RBL2: variants seen among roughly 807,000 people sequenced by gnomAD.
RBL2 encodes retinoblastoma-like protein 2.
A neutral mutation model predicts 126.0 loss-of-function variants in RBL2; 56 were observed. The observed-to-expected ratio is 0.44, with a 90% CI of 0.36 to 0.56. The LOEUF (loss-of-function observed/expected upper bound fraction) is 0.56, where lower values mean the gene tolerates loss of function less well. Among genes scored for constraint, RBL2 ranks in the 20% least tolerant of loss-of-function variants. The pLI, the probability that RBL2 is intolerant of heterozygous loss-of-function variation, is 0.00. For missense variants in RBL2, 1,229 were observed against 1,398.2 expected (o/e 0.88, Z 1.93); for synonymous variants, 454 against 478.5 (o/e 0.95, Z 0.67).
At chr16:53,443,830 A>G (rs1348909525) in intron 3 of RBL2, among the ~76,000 whole-genome samples, 1 of 152,220 alleles carries the variant, frequency 6.6e-6, no homozygotes, top group Non-Finnish European at 1.5e-5. Context: ...TGGGGGAATG[A>G]CAAACCAGGA....
chr16:53,487,353 TC>T (rs1961215520), intron 21 of RBL2, among the ~76,000 whole-genome samples: 1 of 152,056 alleles, frequency 6.6e-6, no homozygotes, highest in African/African-American at 2.4e-5. Flanking sequence ...GACACAGAGA[TC>T]AATAGAACAG....
intron 3 of RBL2, 117 bp downstream of exon 3, chr16:53,442,975 T>G: frequency 1.2e-6 from 1 of 841,676 alleles, no homozygotes; most frequent in South Asian, 2.5e-5. Context: ...AAAATCTTTT[T>G]CCTCAGTCGT....
intron 14 of RBL2, 41 bp downstream of exon 14, chr16:53,467,210 T>C (rs2058280757): frequency 6.0e-6 from 9 of 1,495,732 alleles, no homozygotes; most frequent in Non-Finnish European, 7.4e-6. Context: ...GGGCTTACTA[T>C]CTGGAAATTT....
At chr16:53,464,449 AAG>A in intron 12 of RBL2, 86 bp downstream of exon 12, 1 of 1,152,088 alleles carries the variant, frequency 8.7e-7, no homozygotes, top group South Asian at 1.6e-5. Flanking sequence ...GTTAACATCT[AAG>A]AACATTTATT....
intron 17 of RBL2, among the ~76,000 whole-genome samples, chr16:53,473,482 A>G (rs577877063): frequency 6.6e-6 from 1 of 151,340 alleles, no homozygotes; most frequent in East Asian, 1.9e-4. Context: ...TTGCAAGTGT[A>G]TAGAAAAACA....
intron 4 of RBL2, among the ~76,000 whole-genome samples, chr16:53,447,789 C>T (rs542337242): frequency 4.0e-5 from 6 of 151,738 alleles, no homozygotes; most frequent in Admixed American, 6.6e-5. Flanking sequence ...TGATTACAGG[C>T]GCCCACCACC....
At chr16:53,480,314 A>C (rs951723617) in intron 19 of RBL2, 3 of 540,572 alleles carry the variant, frequency 5.5e-6, no homozygotes, top group African/African-American at 1.9e-5. Flanking sequence ...CACTTAGTAC[A>C]GGGCTTAGGT....
chr16:53,440,953 C>CTTTTTTTTTTTTTTTTTTTT (rs1178378934), intron 2 of RBL2, among the ~76,000 whole-genome samples: 1 of 71,672 alleles, frequency 1.4e-5, no homozygotes, highest in Non-Finnish European at 2.5e-5. Context: ...TTTTTCAGTT[C>CTTTTTTTTTTTTTTTTTTTT]TTTTTTTTTT....
intron 1 of RBL2, 86 bp downstream of exon 1, chr16:53,434,882 TC>T: frequency 7.2e-7 from 1 of 1,392,494 alleles, no homozygotes; most frequent in Middle Eastern, 2.7e-4. Context: ...CGAGAGACTC[TC>T]GGGCGGGTTG....
chr16:53,470,247 G>A lies in RBL2; in HGVS notation c.2245+62G>A, dbSNP rs1190266604. The A allele has an allele frequency of 3.8e-5, 59 of 1,563,324 alleles. No homozygotes were observed. In the East Asian group the frequency reaches 5.9e-4, roughly 16 times the overall value. On this transcript the variant is annotated intron_variant, in intron 15 of 21. Coordinates refer to ENST00000262133, the MANE Select transcript of RBL2 (RefSeq NM_005611.4). ...TGTGGCATGTATTGAAAAGTTACCC[G>A]AGGTTTGGCTAGAGTGACATAGGGG...
At chr16:53,452,856 G>T (rs975860866) in intron 5 of RBL2, among the ~76,000 whole-genome samples, 9 of 151,942 alleles carry the variant, frequency 5.9e-5, no homozygotes, top group African/African-American at 2.2e-4. Context: ...TTTCAGTATA[G>T]ATGAGGTTTC....
chr16:53,480,836 A>G (rs1960917012), intron 20 of RBL2, 67 bp downstream of exon 20: 7 of 1,468,174 alleles, frequency 4.8e-6, no homozygotes, highest in Non-Finnish European at 6.6e-6. Flanking sequence ...TTTATGATTT[A>G]TATATGGACC....
intron 14 of RBL2, among the ~76,000 whole-genome samples, chr16:53,468,034 G>A (rs4281707): frequency 0.48 from 72,858 of 151,980 alleles, 18,310 homozygotes; most frequent in African/African-American, 0.61. Context: ...TATCTGGTTT[G>A]TATTTTTTAG....
At chr16:53,454,142 A>G in intron 7 of RBL2, 1 of 424,924 alleles carries the variant, frequency 2.4e-6, no homozygotes, top group Non-Finnish European at 4.6e-6. Context: ...TCAGCAAAAT[A>G]CTTGTACTGT....
At chr16:53,463,389 C>T (rs1415654318) in intron 11 of RBL2, among the ~76,000 whole-genome samples, 2 of 151,758 alleles carry the variant, frequency 1.3e-5, no homozygotes, top group African/African-American at 4.8e-5. Context: ...TGCAGTGGTG[C>T]AATCTCGGCT....
chr16:53,470,841 C>T lies in RBL2; in HGVS notation c.2622C>T (p.Phe874=), dbSNP rs576582328. 18 of 1,613,844 alleles carry T rather than the reference C, an allele frequency of 1.1e-5. No individual in the cohort carries two copies. Among genetic ancestry groups the T allele is most frequent in the East Asian group, 6.7e-5 (3 of 44,902 alleles). Residue 874 remains phenylalanine (F), a synonymous_variant, in exon 17 of 22, where the codon TTC becomes TTT. Transcript: ENST00000262133. ...LRKKIWTCFE[F]SIIQCPELMM... ...AAAAAATCTGGACCTGCTTTGAATT[C>T]TCCATAATTCAGTGTCCTGAACTTA...
At chr16:53,480,502 T>C in intron 19 of RBL2, 65 bp from the exon 20 acceptor site, 1 of 1,414,722 alleles carries the variant, frequency 7.1e-7, no homozygotes, top group African/African-American at 1.4e-5. Context: ...CTCCTACTTT[T>C]AAAAAATTAA....
chr16:53,456,411 A>G (rs529425224), intron 8 of RBL2, among the ~76,000 whole-genome samples: 2 of 152,246 alleles, frequency 1.3e-5, no homozygotes, highest in African/African-American at 4.8e-5. Context: ...TATTGGAATG[A>G]TTCTGGCAAT....
chr16:53,487,239 T>TA (rs1371475237), intron 21 of RBL2, among the ~76,000 whole-genome samples: 1 of 152,204 alleles, frequency 6.6e-6, no homozygotes, highest in African/African-American at 2.4e-5. Flanking sequence ...CTCGAATAGC[T>TA]AAAATAATTC....
Sources: gnomAD v4.1 joint callset for allele counts (sites outside exome capture counted in the v4.1 genomes callset) on GRCh38, gnomAD v4.1.1 for gene constraint, MANE v1.5 for transcripts, NCBI Gene and HGNC (gene_info 2026-07-23, HGNC 2026-07-21) for gene names.